The following GATAD2A variants were observed in gnomAD, a reference collection of about 807,000 sequenced individuals.
GATAD2A encodes the protein transcriptional repressor p66-alpha.
GATAD2A carries 12 observed loss-of-function variants against 68.5 expected under a neutral mutation model. The ratio of observed to expected loss-of-function variants is 0.18; its 90% CI spans 0.11 to 0.28. GATAD2A has a LOEUF of 0.28. Ranked by LOEUF, GATAD2A falls within the 10% of genes least tolerant of loss-of-function variation. GATAD2A has a pLI of 1.00. For synonymous variants in GATAD2A, 410 were observed against 375.3 expected (o/e 1.09, Z -1.07); for missense variants, 755 against 868.5 (o/e 0.87, Z 1.64).
intron 1 of GATAD2A, among the ~76,000 whole-genome samples, chr19:19,416,193 C>G (rs1600064180): frequency 6.6e-6 from 1 of 152,184 alleles, no homozygotes. Context: ...AAAAAAGGAG[C>G]ACATGGAAAT....
At position 19,506,864 on chromosome 19, in the gene GATAD2A, A is replaced by T. The variant is rs2060888298; in HGVS notation, c.*1390A>T. 6.6e-6 allele frequency: 1 copy of T among 152,200 alleles called. No individual in the cohort carries two copies. The highest frequency in any genetic ancestry group is 2.4e-5 in the African/African-American group (1 of 41,444). 9.4% of individuals were successfully genotyped at this position (152,200 alleles called of 1,614,324 possible). On this transcript the variant is annotated 3_prime_UTR_variant, in exon 12 of 12. Transcript: ENST00000683918. ...GCTCCACTGGTTCCAATTGAGCTCC[A>T]GCCCTGGTTTTCCTACCCATGCAGT... is the stretch of plus-strand genomic sequence containing the variant.
At position 19,492,656 on chromosome 19, in the gene GATAD2A, G is replaced by A. The variant is rs569689643; in HGVS notation, c.478G>A (p.Val160Met). 1.8e-5 allele frequency: 29 copies of A among 1,614,192 alleles called. No homozygotes were observed. Among genetic ancestry groups the A allele is most frequent in the Admixed American group, 5.0e-5 (3 of 60,026 alleles). Residue 160 changes from valine to methionine, a missense_variant, in exon 4 of 12, where the codon GTG becomes ATG. By Grantham distance (21) the Val-to-Met change is conservative (BLOSUM62 1). Coordinates refer to ENST00000683918, the MANE Select transcript of GATAD2A (RefSeq NM_001384528.1). Reference sequence around the variant, plus strand: ...ATTGAGGTTAGAAGAAGCAAAACTCGTGTTGTTGAAAAAGTTGCGGCAGAG... The same window carrying A: ...ATTGAGGTTAGAAGAAGCAAAACTCATGTTGTTGAAAAAGTTGCGGCAGAG... Reference protein sequence around the residue: ...EELRLEEAKLVLLKKLRQSQI... With the variant: ...EELRLEEAKLMLLKKLRQSQI...
chr19:19,433,260 A>C (rs895879139), intron 1 of GATAD2A, among the ~76,000 whole-genome samples: 6 of 152,152 alleles, frequency 3.9e-5, no homozygotes, highest in African/African-American at 7.2e-5. Context: ...ATCTTTGTCA[A>C]GTCTCAGTGA....
intron 2 of GATAD2A, among the ~76,000 whole-genome samples, chr19:19,475,459 T>G (rs1600229474): frequency 6.9e-6 from 1 of 144,478 alleles, no homozygotes; most frequent in Non-Finnish European, 1.5e-5. Flanking sequence ...CGGAGCGGGG[T>G]ACTCTGTGGG....
At chr19:19,421,483 C>T (rs2052411211) in intron 1 of GATAD2A, among the ~76,000 whole-genome samples, 3 of 152,158 alleles carry the variant, frequency 2.0e-5, no homozygotes, top group African/African-American at 7.2e-5. Flanking sequence ...TTGTGGTTGA[C>T]TTGGGACCCT....
At chr19:19,447,411 A>G (rs912067438) in intron 1 of GATAD2A, among the ~76,000 whole-genome samples, 1 of 152,158 alleles carries the variant, frequency 6.6e-6, no homozygotes, top group African/African-American at 2.4e-5. Flanking sequence ...ATGTTTTACC[A>G]AAGAAGCACT....
chr19:19,398,289 C>T (rs919579435), intron 1 of GATAD2A, among the ~76,000 whole-genome samples: 1 of 151,232 alleles, frequency 6.6e-6, no homozygotes, highest in Admixed American at 6.6e-5. Context: ...CCGCAACCTC[C>T]GCCTCCCGGG....
At chr19:19,392,434 C>G (rs376696745) in intron 1 of GATAD2A, among the ~76,000 whole-genome samples, 1 of 150,810 alleles carries the variant, frequency 6.6e-6, no homozygotes, top group South Asian at 2.1e-4. Flanking sequence ...GCTCTGTCAC[C>G]TAGGCTGGAG....
chr19:19,492,158 A>G (rs924410659), intron 2 of GATAD2A, 148 bp from the exon 3 acceptor site: 11 of 816,336 alleles, frequency 1.3e-5, no homozygotes, highest in Middle Eastern at 2.6e-4. Context: ...GCAGCCTGGG[A>G]GCCATGGGGC....
rs2060867802 is a variant in GATAD2A at position 19,506,392 on chromosome 19, T to C, written c.*918T>C. On this transcript the variant is annotated 3_prime_UTR_variant, in exon 12 of 12. Transcript: ENST00000683918. ...CGCGGGGTTTTTCTGTTGTGGTTTA[T>C]TTTATTAAATTTTTTCCTTTTTTCT... 5.2e-6 allele frequency: 2 copies of C among 383,574 alleles called. No individual in the cohort carries two copies. Among genetic ancestry groups the C allele is most frequent in the Non-Finnish European group, 9.2e-6 (2 of 217,492 alleles). The allele number at this position is 383,574 out of a possible 1,614,324, so 23.8% of individuals were successfully genotyped here.
intron 11 of GATAD2A, among the ~76,000 whole-genome samples, chr19:19,503,796 C>T (rs532310820): frequency 3.3e-5 from 5 of 152,206 alleles, no homozygotes; most frequent in South Asian, 4.1e-4. Flanking sequence ...TTTGAGAGAG[C>T]GCCTGGCAGG....
rs2060941920 is a variant in GATAD2A at position 19,508,023 on chromosome 19, C to G, written c.*2549C>G. On this transcript the variant is annotated 3_prime_UTR_variant, in exon 12 of 12. Transcript: ENST00000683918. The stretch of plus-strand genomic sequence containing the variant: ...TTCTACCCACAGCAAAGCACACCCT[C>G]TTAAACCAGGCACTGCCTGGGTCCT... 1 of 152,220 alleles carries G rather than the reference C, an allele frequency of 6.6e-6. No individual in the cohort carries two copies. The highest frequency in any genetic ancestry group is 2.1e-4 in the South Asian group (1 of 4,832). The allele number at this position is 152,220 out of a possible 1,614,324, so 9.4% of individuals were successfully genotyped here. A position where few individuals can be genotyped will look rare whatever the true frequency, so the allele number is the denominator to read the frequency against.
In GATAD2A at chr19:19,498,622, C is replaced by T; in HGVS notation, c.1104C>T (p.Pro368=). 6.2e-7 allele frequency: 1 copy of T among 1,613,836 alleles called. No individual in the cohort carries two copies. The highest frequency in any genetic ancestry group is 8.5e-7 in the Non-Finnish European group (1 of 1,179,922). ...TACTCGAGATCCCCCCACCCAAGCC[C>T]CCAGCCCCAGAGATGAACTTCCTGC... The part of the protein sequence containing the change: ...KTLLEIPPPK[P]PAPEMNFLPS... Residue 368 remains proline (P), a synonymous_variant, in exon 8 of 12, where the codon CCC becomes CCT. Coordinates refer to ENST00000683918, the MANE Select transcript of GATAD2A (RefSeq NM_001384528.1).
At chr19:19,471,333 T>C (rs2058294405) in intron 2 of GATAD2A, among the ~76,000 whole-genome samples, 1 of 151,924 alleles carries the variant, frequency 6.6e-6, no homozygotes, top group Admixed American at 6.6e-5. Context: ...ACCAGATTAC[T>C]GTTCAGCTTT....
chr19:19,440,543 C>A, intron 1 of GATAD2A: 1 of 180,132 alleles, frequency 5.6e-6, no homozygotes, highest in South Asian at 8.7e-5. Context: ...CAAGTGTGAG[C>A]CACCGTGCCC....
intron 1 of GATAD2A, among the ~76,000 whole-genome samples, chr19:19,430,721 T>C (rs528795306): frequency 6.6e-6 from 1 of 152,232 alleles, no homozygotes; most frequent in African/African-American, 2.4e-5. Flanking sequence ...GTACCAGCCA[T>C]GGGTGCCGCA....
Position 19,465,523 on chromosome 19 carries a change from T to C in GATAD2A, c.178T>C (p.Leu60=). The C allele has an allele frequency of 3.7e-6, 6 of 1,613,964 alleles. No individual in the cohort carries two copies. The highest frequency in any genetic ancestry group is 4.2e-6 in the Non-Finnish European group (5 of 1,179,864). ...PEPGAGPTQG[L]LRATEATAMA... ...GCCGGGAGCAGGTCCAACCCAAGGA[T>C]TGCTGAGGGCAACAGAGGCCACGGC... The change falls in exon 2 of 12, where the codon TTG becomes CTG. Residue 60 remains leucine, a synonymous_variant. Transcript: ENST00000683918.
intron 5 of GATAD2A, among the ~76,000 whole-genome samples, chr19:19,495,371 C>T (rs904945696): frequency 2.0e-5 from 3 of 152,040 alleles, no homozygotes; most frequent in Admixed American, 6.6e-5. Context: ...TGCAGTGGCG[C>T]GATCTTGGGT....
At chr19:19,435,504 C>T (rs1196603590) in intron 1 of GATAD2A, among the ~76,000 whole-genome samples, 2 of 152,198 alleles carry the variant, frequency 1.3e-5, no homozygotes, top group African/African-American at 2.4e-5. Context: ...GGACTACAGG[C>T]GTGAGCCACT....
Sources: allele counts gnomAD v4.1 joint callset (sites outside exome capture counted in the v4.1 genomes callset), GRCh38; gene constraint gnomAD v4.1.1; transcripts MANE v1.5; gene names NCBI Gene and HGNC (gene_info 2026-07-23, HGNC 2026-07-21).